Variants in ABLIM1 observed in about 807,000 individuals in gnomAD.
ABLIM1 encodes the protein actin-binding LIM protein 1.
A neutral mutation model predicts 107.0 loss-of-function variants in ABLIM1; 40 were observed. The ratio of observed to expected loss-of-function variants is 0.37; its 90% CI spans 0.29 to 0.49. The LOEUF is 0.49. ABLIM1 is among the 20% of genes least tolerant of loss of function. The pLI is 0.97. For missense variants in ABLIM1, 857 were observed against 1,008.5 expected, an observed-to-expected ratio of 0.85 and a Z score of 2.04; for synonymous variants, 357 against 357.3, an observed-to-expected ratio of 1.00 and a Z score of 0.01.
At chr10:114,692,138 C>G (rs2081092451) in intron 1 of ABLIM1, among the ~76,000 whole-genome samples, 1 of 152,178 alleles carries the variant, frequency 6.6e-6, no homozygotes, top group South Asian at 2.1e-4. Context: ...ATTCAGCTCT[C>G]CAGTTTAATT....
intron 1 of ABLIM1, among the ~76,000 whole-genome samples, chr10:114,612,951 A>G (rs2076908804): frequency 6.6e-6 from 1 of 152,224 alleles, no homozygotes; most frequent in Non-Finnish European, 1.5e-5. Flanking sequence ...GGAATTTGAA[A>G]AACAAAAACC....
At chr10:114,587,095 T>C (rs1165403083) in intron 2 of ABLIM1, among the ~76,000 whole-genome samples, 2 of 152,216 alleles carry the variant, frequency 1.3e-5, no homozygotes, top group South Asian at 2.1e-4. Flanking sequence ...AAATGGAAAG[T>C]ACGATTGGAG....
chr10:114,563,243 T>A (rs1395348672), intron 4 of ABLIM1, among the ~76,000 whole-genome samples: 2 of 152,212 alleles, frequency 1.3e-5, no homozygotes, highest in African/African-American at 4.8e-5. Flanking sequence ...CCCTTTTGTA[T>A]GTTTCTGTAA....
At chr10:114,731,766 C>A (rs191406598) in intron 1 of ABLIM1, among the ~76,000 whole-genome samples, 12 of 152,202 alleles carry the variant, frequency 7.9e-5, no homozygotes, top group Admixed American at 5.9e-4. Flanking sequence ...GGTGCCACCA[C>A]ACCCAGCTAA....
rs2062161228 is a variant in ABLIM1 at position 114,453,234 on chromosome 10, GC to G, written c.1546+144del. 7 of 763,166 alleles carry G rather than the reference GC, an allele frequency of 9.2e-6. No individual in the cohort carries two copies. In the South Asian group the frequency reaches 1.2e-4, roughly 13 times the overall value. 47.3% of individuals were successfully genotyped at this position (763,166 alleles called of 1,614,324 possible). A position where few individuals can be genotyped will look rare whatever the true frequency, so the allele number is the denominator to read the frequency against. On this transcript the variant is annotated intron_variant, in intron 13 of 22. Transcript: ENST00000533213. ...ATTTAACACATAAAACTTTTGAAAG[GC>G]CCCCTAGGTCAGATCCTGCAATTTA...
At chr10:114,557,351 C>G (rs1000786676) in intron 4 of ABLIM1, among the ~76,000 whole-genome samples, 8 of 152,150 alleles carry the variant, frequency 5.3e-5, no homozygotes, top group African/African-American at 1.9e-4. Context: ...ACAATTACCA[C>G]ACAACAAACA....
intron 1 of ABLIM1, among the ~76,000 whole-genome samples, chr10:114,664,728 G>C (rs1376064402): frequency 6.6e-6 from 1 of 151,164 alleles, no homozygotes; most frequent in Non-Finnish European, 1.5e-5. Context: ...ATTTTTAGTA[G>C]AGATGGGGTT....
chr10:114,695,151 C>T (rs1278628178), intron 1 of ABLIM1, among the ~76,000 whole-genome samples: 8 of 152,196 alleles, frequency 5.3e-5, no homozygotes, highest in Admixed American at 1.3e-4. Context: ...ACACTGCTTT[C>T]CATTAGCTAA....
At chr10:114,579,756 C>T (rs1047792710) in intron 2 of ABLIM1, among the ~76,000 whole-genome samples, 1 of 152,192 alleles carries the variant, frequency 6.6e-6, no homozygotes, top group Non-Finnish European at 1.5e-5. Flanking sequence ...ATTCCCTCTT[C>T]CTCCAGCCCT....
At chr10:114,688,445 A>G (rs1357663551), upstream of ABLIM1, among the ~76,000 whole-genome samples, 1 of 152,222 alleles carries the variant, frequency 6.6e-6, no homozygotes, top group African/African-American at 2.4e-5. Flanking sequence ...ATTCAATTAT[A>G]AGCCCAAATC....
chr10:114,544,886 T>C, intron 6 of ABLIM1, 119 bp downstream of exon 6: 1 of 927,932 alleles, frequency 1.1e-6, no homozygotes, highest in Non-Finnish European at 1.8e-6. Context: ...CTGCGACTAC[T>C]TTCTTTCTCC....
At chr10:114,677,858 T>C (rs2080560084) in intron 1 of ABLIM1, among the ~76,000 whole-genome samples, 1 of 152,242 alleles carries the variant, frequency 6.6e-6, no homozygotes, top group Non-Finnish European at 1.5e-5. Context: ...GTATTAAAGA[T>C]TTCTAGCAAA....
chr10:114,476,088 C>T (rs2056346485), intron 8 of ABLIM1, among the ~76,000 whole-genome samples: 1 of 152,198 alleles, frequency 6.6e-6, no homozygotes, highest in African/African-American at 2.4e-5. Flanking sequence ...TGATTTGACT[C>T]ATTGCTGGAA....
intron 6 of ABLIM1, among the ~76,000 whole-genome samples, chr10:114,525,829 C>A (rs867156173): frequency 6.6e-6 from 1 of 152,132 alleles, no homozygotes; most frequent in African/African-American, 2.4e-5. Context: ...GCCAAACTCA[C>A]GTTTTCTTTT....
intron 7 of ABLIM1, among the ~76,000 whole-genome samples, chr10:114,489,448 T>C (rs2058635548): frequency 6.6e-6 from 1 of 152,236 alleles, no homozygotes; most frequent in Non-Finnish European, 1.5e-5. Flanking sequence ...ATACATTTTA[T>C]ATCAGCATAA....
At chr10:114,524,100 A>G (rs1225022739) in intron 6 of ABLIM1, among the ~76,000 whole-genome samples, 2 of 152,220 alleles carry the variant, frequency 1.3e-5, no homozygotes, top group African/African-American at 4.8e-5. Flanking sequence ...CAATAAGTCA[A>G]GGTGTTTCCC....
At chr10:114,727,416 A>G (rs1398805018) in intron 1 of ABLIM1, among the ~76,000 whole-genome samples, 2 of 152,234 alleles carry the variant, frequency 1.3e-5, no homozygotes. Context: ...AATTTTCCCA[A>G]TGTTAAAGTG....
intron 1 of ABLIM1, among the ~76,000 whole-genome samples, chr10:114,736,914 C>T (rs1360598376): frequency 1.3e-5 from 2 of 152,142 alleles, no homozygotes; most frequent in Admixed American, 6.6e-5. Flanking sequence ...ATTGGCCCAG[C>T]GCGGTGGCTC....
At chr10:114,460,121 C>T (rs2063556747) in intron 12 of ABLIM1, among the ~76,000 whole-genome samples, 1 of 152,188 alleles carries the variant, frequency 6.6e-6, no homozygotes, top group Admixed American at 6.5e-5. Flanking sequence ...CATATTTATA[C>T]TGAAACGCAT....
Sources: allele counts gnomAD v4.1 joint callset (sites outside exome capture counted in the v4.1 genomes callset), GRCh38; gene constraint gnomAD v4.1.1; transcripts MANE v1.5; gene names NCBI Gene and HGNC (gene_info 2026-07-23, HGNC 2026-07-21).